USH2A: variants seen among roughly 807,000 people sequenced by gnomAD.
USH2A encodes Usher syndrome 2A (autosomal recessive, mild).
A neutral mutation model predicts 538.9 loss-of-function variants in USH2A; 443 were observed. The observed-to-expected ratio is 0.82, with a 90% CI of 0.76 to 0.89. USH2A has a LOEUF of 0.89. Ranked by LOEUF, USH2A falls within the 40% of genes least tolerant of loss-of-function variation. The pLI is 0.00. For missense variants in USH2A, 6,633 were observed against 6,324.8 expected (o/e 1.05, Z -1.65); for synonymous variants, 2,413 against 2,273.5 (o/e 1.06, Z -1.75).
chr1:216,308,690 T>G (rs1259569353), intron 9 of USH2A, among the ~76,000 whole-genome samples: 1 of 152,196 alleles, frequency 6.6e-6, no homozygotes, highest in Non-Finnish European at 1.5e-5. Context: ...AACTTGCCAA[T>G]TTCTCTTTCT....
At chr1:215,957,618 A>G (rs1380181301) in intron 37 of USH2A, among the ~76,000 whole-genome samples, 1 of 152,154 alleles carries the variant, frequency 6.6e-6, no homozygotes, top group Non-Finnish European at 1.5e-5. Context: ...GGGCATAAAA[A>G]GAAATAGACC....
intron 32 of USH2A, among the ~76,000 whole-genome samples, chr1:216,020,897 G>A (rs1471109198): frequency 6.6e-6 from 1 of 152,132 alleles, no homozygotes; most frequent in Non-Finnish European, 1.5e-5. Context: ...AGTTCTGTGA[G>A]TCATTCTAGC....
chr1:216,154,715 A>G (rs1184182170), intron 21 of USH2A, among the ~76,000 whole-genome samples: 1 of 152,204 alleles, frequency 6.6e-6, no homozygotes, highest in African/African-American at 2.4e-5. Flanking sequence ...AATTATTATT[A>G]AGAATTTTAT....
At chr1:216,123,611 A>G (rs2033180463) in intron 21 of USH2A, among the ~76,000 whole-genome samples, 1 of 152,132 alleles carries the variant, frequency 6.6e-6, no homozygotes, top group Non-Finnish European at 1.5e-5. Context: ...GCCTTTGAAA[A>G]CAGGAACAGT....
intron 62 of USH2A, among the ~76,000 whole-genome samples, chr1:215,676,517 C>T (rs966171119): frequency 4.6e-5 from 7 of 152,330 alleles, no homozygotes; most frequent in African/African-American, 1.7e-4. Flanking sequence ...ACACATTTTA[C>T]AGCCCTTGGA....
At chr1:216,284,306 G>A (rs2036841102) in intron 11 of USH2A, among the ~76,000 whole-genome samples, 1 of 152,064 alleles carries the variant, frequency 6.6e-6, no homozygotes, top group Non-Finnish European at 1.5e-5. Context: ...TGAATCATGA[G>A]GGGCAGTTTC....
intron 21 of USH2A, among the ~76,000 whole-genome samples, chr1:216,151,482 C>T (rs1342800085): frequency 6.6e-6 from 1 of 152,068 alleles, no homozygotes; most frequent in African/African-American, 2.4e-5. Flanking sequence ...CCTTGATGGT[C>T]GGTTTAGGAC....
intron 19 of USH2A, among the ~76,000 whole-genome samples, chr1:216,192,994 T>C (rs2034751296): frequency 6.6e-6 from 1 of 152,078 alleles, no homozygotes; most frequent in Non-Finnish European, 1.5e-5. Context: ...GTGATACAGC[T>C]AATAATTGGG....
intron 38 of USH2A, among the ~76,000 whole-genome samples, chr1:215,907,113 A>G (rs1019216919): frequency 1.3e-5 from 2 of 151,996 alleles, no homozygotes; most frequent in Non-Finnish European, 2.9e-5. Context: ...AAAGAATTGT[A>G]TGGGTTCTAC....
chr1:215,900,012 T>C lies in USH2A; in HGVS notation c.7594+63A>G. 3 of 1,608,620 alleles carry C rather than the reference T, an allele frequency of 1.9e-6. No homozygotes were observed. In the Admixed American group the frequency reaches 5.0e-5, roughly 27 times the overall value. ...GCTCATTTCTTTGCTTTGGAAAAAA[T>C]TGAAGACATTTTAAGCTCCCTATGT... On this transcript the variant is annotated intron_variant, in intron 40 of 71. Transcript: ENST00000307340.
intron 71 of USH2A, among the ~76,000 whole-genome samples, chr1:215,628,604 A>G (rs1378362116): frequency 6.6e-6 from 1 of 152,194 alleles, no homozygotes; most frequent in African/African-American, 2.4e-5. Context: ...ATTTTTAAGC[A>G]TCTATTGCAT....
At chr1:215,828,276 A>AC (rs1663211248) in intron 47 of USH2A, among the ~76,000 whole-genome samples, 2 of 151,998 alleles carry the variant, frequency 1.3e-5, no homozygotes, top group African/African-American at 2.4e-5. Flanking sequence ...ACACAGTGAG[A>AC]CCCCAACTCT....
chr1:215,952,154 G>A (rs538591448), intron 37 of USH2A, among the ~76,000 whole-genome samples: 11 of 152,276 alleles, frequency 7.2e-5, no homozygotes, highest in Non-Finnish European at 1.0e-4. Context: ...GTGAGCCACC[G>A]CGCCCGGCCT....
intron 32 of USH2A, among the ~76,000 whole-genome samples, chr1:216,002,199 C>A (rs762558166): frequency 6.6e-6 from 1 of 152,048 alleles, no homozygotes; most frequent in Non-Finnish European, 1.5e-5. Context: ...CAGATGCTAC[C>A]GAGAGAGTAG....
chr1:215,875,082 T>A (rs149312067), intron 43 of USH2A, among the ~76,000 whole-genome samples: 2,233 of 152,282 alleles, frequency 0.015, 20 homozygotes, highest in Middle Eastern at 0.041. Context: ...TGGCACCATC[T>A]AACCAAACAA....
intron 71 of USH2A, 96 bp from the exon 72 acceptor site, chr1:215,625,966 A>C: frequency 1.6e-6 from 2 of 1,258,066 alleles, no homozygotes; most frequent in Non-Finnish European, 1.1e-6. Context: ...AAAAGTAATA[A>C]GTATTAAAGG....
chr1:215,904,294 A>G (rs1244851264), intron 38 of USH2A, among the ~76,000 whole-genome samples: 1 of 152,102 alleles, frequency 6.6e-6, no homozygotes, highest in Non-Finnish European at 1.5e-5. Context: ...AGTGCCCCAA[A>G]GTAGGCTTTA....
intron 37 of USH2A, among the ~76,000 whole-genome samples, chr1:215,954,214 G>A (rs1206169183): frequency 6.6e-6 from 1 of 152,106 alleles, no homozygotes. Context: ...CCATTACTGG[G>A]TATATACCCA....
At chr1:215,810,709 C>T (rs1398461415) in intron 49 of USH2A, among the ~76,000 whole-genome samples, 1 of 152,024 alleles carries the variant, frequency 6.6e-6, no homozygotes, top group African/African-American at 2.4e-5. Flanking sequence ...TGAAAACTCC[C>T]CAAATTTAAG....
Sources: allele counts gnomAD v4.1 joint callset (sites outside exome capture counted in the v4.1 genomes callset), GRCh38; gene constraint gnomAD v4.1.1; transcripts MANE v1.5; gene names NCBI Gene and HGNC (gene_info 2026-07-23, HGNC 2026-07-21).